Variants in TMEM272 observed in about 807,000 individuals in gnomAD.
The protein encoded by TMEM272 is long intergenic non-protein coding RNA 282.
In TMEM272, 8 loss-of-function variants were observed where a neutral mutation model predicts 3.7. That is an observed-to-expected ratio of 2.17 (90% CI 1.27 to 3.91). TMEM272 has a LOEUF of 3.91. Ranked by LOEUF, TMEM272 falls within the 30% of genes most tolerant of loss-of-function variation. The pLI is 0.00. For missense variants in TMEM272, 166 were observed against 91.5 expected (o/e 1.81, Z -3.32); for synonymous variants, 63 against 39.8 (o/e 1.58, Z -2.20).
At chr13:51,823,423 C>T (rs1434997827) in intron 3 of TMEM272, among the ~76,000 whole-genome samples, 1 of 152,244 alleles carries the variant, frequency 6.6e-6, no homozygotes, top group African/African-American at 2.4e-5. Context: ...TTGTTTGCTT[C>T]CTCTGCTTTG....
chr13:51,932,884 C>G, the TMEM272 span: 1 of 152,046 alleles, frequency 6.6e-6, no homozygotes, highest in African/African-American at 2.4e-5. Flanking sequence ...AGATAATGAT[C>G]AGCCTAGTCA....
At chr13:51,917,644 G>A in the TMEM272 span, among the ~76,000 whole-genome samples, 1 of 152,204 alleles carries the variant, frequency 6.6e-6, no homozygotes, top group Admixed American at 6.5e-5. Flanking sequence ...GAAGGGCTCT[G>A]CGCTAAAAGC....
the TMEM272 span, among the ~76,000 whole-genome samples, chr13:51,913,314 T>C: frequency 6.6e-6 from 1 of 152,244 alleles, no homozygotes; most frequent in Non-Finnish European, 1.5e-5. Context: ...CAGTTTGCTT[T>C]TACCAGTGGC....
chr13:51,865,321 T>A, the TMEM272 span: 1 of 1,414,452 alleles, frequency 7.1e-7, no homozygotes. Context: ...TCTTTTCTGC[T>A]GCCCCCACAG....
the TMEM272 span, among the ~76,000 whole-genome samples, chr13:51,901,418 C>T: frequency 2.0e-5 from 3 of 152,082 alleles, no homozygotes; most frequent in South Asian, 2.1e-4. Context: ...CCCGGTGGAG[C>T]TGCCTGTGCC....
At chr13:51,917,520 A>G in the TMEM272 span, among the ~76,000 whole-genome samples, 2 of 152,170 alleles carry the variant, frequency 1.3e-5, no homozygotes, top group South Asian at 4.1e-4. Context: ...TACACACCTG[A>G]GCCAATCCAG....
At chr13:51,841,398 C>T (rs569148047) in intron 1 of TMEM272, among the ~76,000 whole-genome samples, 1 of 152,336 alleles carries the variant, frequency 6.6e-6, no homozygotes, top group African/African-American at 2.4e-5. Context: ...ATGTGTTGAA[C>T]GGTTTCTATC....
chr13:51,835,369 C>T (rs892993227), intron 2 of TMEM272, among the ~76,000 whole-genome samples: 4 of 151,694 alleles, frequency 2.6e-5, no homozygotes, highest in East Asian at 3.9e-4. Flanking sequence ...GGAATACAGT[C>T]GTGCACCACC....
chr13:51,861,501 A>G, the TMEM272 span, among the ~76,000 whole-genome samples: 1 of 152,212 alleles, frequency 6.6e-6, no homozygotes, highest in African/African-American at 2.4e-5. Context: ...GAACTGACAG[A>G]AGAAAAAAAT....
chr13:51,918,773 C>A, the TMEM272 span, among the ~76,000 whole-genome samples: 2 of 150,400 alleles, frequency 1.3e-5, no homozygotes, highest in Non-Finnish European at 1.5e-5. Context: ...CACAGGGACA[C>A]GTCACCATGC....
the TMEM272 span, among the ~76,000 whole-genome samples, chr13:51,881,484 C>T: frequency 6.6e-6 from 1 of 152,104 alleles, no homozygotes; most frequent in South Asian, 2.1e-4. Flanking sequence ...GGAGTAAAAG[C>T]TTCAAGGGCT....
chr13:51,869,191 T>C, the TMEM272 span, among the ~76,000 whole-genome samples: 10 of 152,272 alleles, frequency 6.6e-5, no homozygotes, highest in Non-Finnish European at 1.2e-4. Flanking sequence ...TGAAGAGACT[T>C]TGGCTGTGGT....
rs574840225 is a variant in TMEM272 at position 51,816,703 on chromosome 13, G to A, written c.*48C>T. On this transcript the variant is annotated 3_prime_UTR_variant, in exon 5 of 5. Transcript: ENST00000629372. ...CGTCTGTGTGTCTGTGTGCACGCGC[G>A]TGCATGCACACGCATATGCATACAT... The A allele has an allele frequency of 1.5e-5, 10 of 658,016 alleles. No homozygotes were observed. Among genetic ancestry groups the A allele is most frequent in the South Asian group, 3.3e-5 (2 of 60,156 alleles). The allele number at this position is 658,016 out of a possible 1,614,324, so 40.8% of individuals were successfully genotyped here.
At chr13:51,865,290 C>T in the TMEM272 span, 41 of 1,054,034 alleles carry the variant, frequency 3.9e-5, no homozygotes, top group South Asian at 5.6e-4. Flanking sequence ...CGTCCCCTGG[C>T]ATGTGATACT....
At chr13:51,906,634 A>G in the TMEM272 span, among the ~76,000 whole-genome samples, 1 of 152,212 alleles carries the variant, frequency 6.6e-6, no homozygotes, top group African/African-American at 2.4e-5. Flanking sequence ...CTGATAAGAA[A>G]ATAATATGTC....
the TMEM272 span, among the ~76,000 whole-genome samples, chr13:51,900,486 G>C: frequency 6.6e-6 from 1 of 152,168 alleles, no homozygotes; most frequent in Admixed American, 6.5e-5. Flanking sequence ...TGAAGATGTG[G>C]AGAAATTGGA....
the TMEM272 span, chr13:51,933,064 C>G: frequency 6.6e-6 from 1 of 152,162 alleles, no homozygotes; most frequent in Non-Finnish European, 1.5e-5. Context: ...AAAAGTGAAA[C>G]TAACCATCCA....
the TMEM272 span, chr13:51,933,470 C>T: frequency 2.0e-5 from 3 of 152,230 alleles, no homozygotes; most frequent in Non-Finnish European, 2.9e-5. Flanking sequence ...GGGTTTCACC[C>T]AGAATTTAAT....
chr13:51,829,403 C>T (rs1407486853), intron 2 of TMEM272, among the ~76,000 whole-genome samples: 1 of 152,126 alleles, frequency 6.6e-6, no homozygotes, highest in Non-Finnish European at 1.5e-5. Context: ...GAACAAGGTG[C>T]TTTGCATTTT....
Sources: allele counts gnomAD v4.1 joint callset (sites outside exome capture counted in the v4.1 genomes callset), GRCh38; gene constraint gnomAD v4.1.1; transcripts MANE v1.5; gene names NCBI Gene and HGNC (gene_info 2026-07-23, HGNC 2026-07-21).